Variants in DCAF8L2 observed in about 807,000 individuals in gnomAD.
The protein encoded by DCAF8L2 is DDB1 and CUL4 associated factor 8 like 2.
For synonymous variants in DCAF8L2, 200 were observed against 190.9 expected, an observed-to-expected ratio of 1.05 and a Z score of -0.39; for missense variants, 430 against 490.7, an observed-to-expected ratio of 0.88 and a Z score of 1.17.
intron 2 of DCAF8L2, among the ~76,000 whole-genome samples, chrX:27,646,507 A>G (rs1296659251): frequency 8.9e-6 from 1 of 111,920 alleles, no homozygotes; most frequent in Non-Finnish European, 1.9e-5. Context: ...GGCATGGGCA[A>G]AGATTTTATG....
rs777788984 is a variant in DCAF8L2 at position 27,702,905 on chromosome X, CTCTT to C, written c.-142-13179_-142-13176del. 1.3e-4 allele frequency among the ~76,000 whole-genome samples: 14 copies of C among 111,287 alleles called. No individual in the cohort carries two copies. The East Asian group carries it at 1.4e-3, about 11-fold the overall frequency. On this transcript the variant is annotated intron_variant, in intron 3 of 4. Transcript: ENST00000451261. Reference sequence around the variant, plus strand: ...ATTTCATATTAAAAAGGAAGTAAAACTCTTTCTATTTTCAGATGACCTGACCTTG... The same window carrying C: ...ATTTCATATTAAAAAGGAAGTAAAACTCTATTTTCAGATGACCTGACCTTG...
chrX:27,713,853 C>A (rs1931608960), intron 3 of DCAF8L2, among the ~76,000 whole-genome samples: 1 of 111,022 alleles, frequency 9.0e-6, no homozygotes, highest in African/African-American at 3.3e-5. Context: ...TTGCTGGCCA[C>A]TGATATTAAG....
chrX:27,727,014 ACC>A (rs934944879), intron 4 of DCAF8L2, among the ~76,000 whole-genome samples: 2 of 111,803 alleles, frequency 1.8e-5, no homozygotes, highest in African/African-American at 6.5e-5. Flanking sequence ...AGTTCTTTTC[ACC>A]ACACACCCTA....
chrX:27,698,380 C>T (rs1931006221), intron 3 of DCAF8L2, among the ~76,000 whole-genome samples: 1 of 111,761 alleles, frequency 8.9e-6, no homozygotes, highest in Non-Finnish European at 1.9e-5. Context: ...TTACCAATGT[C>T]TCTTGCCTTT....
chrX:27,533,615 T>C, the DCAF8L2 span, among the ~76,000 whole-genome samples: 1 of 111,599 alleles, frequency 9.0e-6, no homozygotes, highest in Non-Finnish European at 1.9e-5. Flanking sequence ...TATGATACAT[T>C]GACAGTGATA....
chrX:27,704,624 G>A (rs191242258), intron 3 of DCAF8L2, among the ~76,000 whole-genome samples: 2 of 110,034 alleles, frequency 1.8e-5, no homozygotes, highest in Admixed American at 1.9e-4. Flanking sequence ...GTATTTTATT[G>A]TATACTGAAA....
the DCAF8L2 span, among the ~76,000 whole-genome samples, chrX:27,541,286 C>A: frequency 9.0e-6 from 1 of 111,124 alleles, no homozygotes; most frequent in Non-Finnish European, 1.9e-5. Flanking sequence ...GTGGGGAAAC[C>A]CAGCAAGGCC....
intron 1 of DCAF8L2, among the ~76,000 whole-genome samples, chrX:27,596,687 C>A (rs751762025): frequency 9.0e-6 from 1 of 111,135 alleles, no homozygotes; most frequent in East Asian, 2.8e-4. Context: ...TGAGAAGAAT[C>A]CCATAAAAAC....
At chrX:27,606,496 G>A (rs1174761343) in intron 1 of DCAF8L2, among the ~76,000 whole-genome samples, 5 of 101,636 alleles carry the variant, frequency 4.9e-5, no homozygotes, top group African/African-American at 1.5e-4. Context: ...ACAGCCTCCC[G>A]AGTAGCTGGG....
In DCAF8L2 at chrX:27,691,816, C is replaced by T. The variant is rs59355627; in HGVS notation, c.-143+13904C>T. ...AAAACCCATTTTATTATGTGGACAG[C>T]CTGAAGGAGGATAGGTGGTGCTTAG... On this transcript the variant is annotated intron_variant, in intron 3 of 4. Transcript: ENST00000451261. Among the ~76,000 whole-genome samples the T allele has an allele frequency of 1.4e-3, 153 of 111,340 alleles. 2 individuals are homozygous for T. In the East Asian group the frequency reaches 0.036, roughly 26 times the overall value.
the DCAF8L2 span, among the ~76,000 whole-genome samples, chrX:27,530,203 C>G: frequency 9.0e-6 from 1 of 110,668 alleles, no homozygotes; most frequent in Non-Finnish European, 1.9e-5. Flanking sequence ...AGGGGAAGAA[C>G]CAATTGCTGG....
At chrX:27,690,626 G>A (rs1930679511) in intron 3 of DCAF8L2, among the ~76,000 whole-genome samples, 1 of 109,624 alleles carries the variant, frequency 9.1e-6, no homozygotes, top group Admixed American at 9.8e-5. Flanking sequence ...AAAAAAAACA[G>A]CCTTTTACTA....
chrX:27,519,198 G>A, the DCAF8L2 span: 1 of 1,104,818 alleles, frequency 9.1e-7, no homozygotes, highest in Non-Finnish European at 1.2e-6. Context: ...AAGAGCTAAT[G>A]GAACGTCTAA....
chrX:27,622,285 CGTA>C (rs1165332575), intron 1 of DCAF8L2, among the ~76,000 whole-genome samples: 5,648 of 96,947 alleles, frequency 0.058, 855 homozygotes, highest in African/African-American at 0.21. Flanking sequence ...ATTAGCCGGG[CGTA>C]GTGGCGGACA....
At chrX:27,656,801 C>G (rs1406491489) in intron 2 of DCAF8L2, among the ~76,000 whole-genome samples, 1 of 111,649 alleles carries the variant, frequency 9.0e-6, no homozygotes, top group Non-Finnish European at 1.9e-5. Flanking sequence ...TTCTATGGGT[C>G]AAAGCCAAGG....
intron 1 of DCAF8L2, among the ~76,000 whole-genome samples, chrX:27,604,251 T>A (rs779587849): frequency 9.0e-6 from 1 of 111,472 alleles, no homozygotes; most frequent in Non-Finnish European, 1.9e-5. Flanking sequence ...CTTATATCTT[T>A]ACTTGCCATG....
intron 3 of DCAF8L2, among the ~76,000 whole-genome samples, chrX:27,704,228 G>A (rs1355948229): frequency 2.3e-5 from 2 of 88,643 alleles, no homozygotes; most frequent in African/African-American, 5.3e-5. Flanking sequence ...GCACATGTGC[G>A]TGTACACACG....
chrX:27,680,642 A>C (rs1930292342), intron 3 of DCAF8L2, among the ~76,000 whole-genome samples: 1 of 110,763 alleles, frequency 9.0e-6, no homozygotes, highest in Non-Finnish European at 1.9e-5. Flanking sequence ...TTTTCTCTGA[A>C]ACTGGAAAGT....
At chrX:27,475,022 TC>T in the DCAF8L2 span, among the ~76,000 whole-genome samples, 2 of 111,779 alleles carry the variant, frequency 1.8e-5, no homozygotes, top group Non-Finnish European at 3.8e-5. Flanking sequence ...ATAGGAGTCC[TC>T]CTCAAGAAAT....
Sources: gnomAD v4.1 joint callset for allele counts (sites outside exome capture counted in the v4.1 genomes callset) on GRCh38, gnomAD v4.1.1 for gene constraint, MANE v1.5 for transcripts, NCBI Gene and HGNC (gene_info 2026-07-23, HGNC 2026-07-21) for gene names.